The following SLC12A4 variants were observed in gnomAD, a reference collection of about 807,000 sequenced individuals.
SLC12A4 encodes solute carrier family 12 member 4, also known as electroneutral potassium-chloride cotransporter 1.
SLC12A4 carries 84 observed loss-of-function variants against 119.2 expected under a neutral mutation model. The observed-to-expected ratio is 0.70, with a 90% CI of 0.59 to 0.85. The LOEUF is 0.85. Among genes scored for constraint, SLC12A4 ranks in the 40% least tolerant of loss-of-function variants. SLC12A4 has a pLI of 0.00. For missense variants in SLC12A4, 1,298 were observed against 1,476.3 expected (o/e 0.88, Z 1.98); for synonymous variants, 599 against 604.6 (o/e 0.99, Z 0.14).
At position 67,955,430 on chromosome 16, in the gene SLC12A4, A is replaced by G. The variant is rs570957555; in HGVS notation, c.545-657T>C. The stretch of plus-strand genomic sequence containing the variant: ...CAGGGATCAAGAAATTCTTTCAAAG[A>G]GTCAATCTTGGCTGGGCGTGGTGGC... On this transcript the variant is annotated intron_variant, in intron 5 of 23. Transcript: ENST00000316341. Among the ~76,000 whole-genome samples the G allele has an allele frequency of 7.9e-5, 12 of 152,284 alleles. No individual in the cohort carries two copies. The South Asian group carries it at 2.1e-3, about 26-fold the overall frequency.
At chr16:67,947,621 G>T (rs544594125) in intron 15 of SLC12A4, 48 bp downstream of exon 15, 2 of 1,570,038 alleles carry the variant, frequency 1.3e-6, no homozygotes, top group East Asian at 2.3e-5. Flanking sequence ...CTGCCTGCTC[G>T]GCCGGGCCCC....
At position 67,945,280 on chromosome 16, in the gene SLC12A4, C is replaced by G. The variant is rs778410873; in HGVS notation, c.3033-60G>C. ...AGCCATCCTGCAAGGAGGGTCCCCA[C>G]CCCTGGCCCATCTAACACTACTTGT... On this transcript the variant is annotated intron_variant, in intron 22 of 23. Coordinates refer to ENST00000316341, the MANE Select transcript of SLC12A4 (RefSeq NM_005072.5). 5 of 1,563,246 alleles carry G rather than the reference C, an allele frequency of 3.2e-6. No homozygotes were observed. The Admixed American group carries it at 8.9e-5, about 28-fold the overall frequency.
Position 67,947,122 on chromosome 16 carries a change from G to A in SLC12A4, c.2073-17C>T, listed in dbSNP as rs540539385. 1.9e-6 allele frequency: 3 copies of A among 1,568,400 alleles called. No homozygotes were observed. Among genetic ancestry groups the A allele is most frequent in the Admixed American group, 1.9e-5 (1 of 53,888 alleles). The stretch of plus-strand genomic sequence containing the variant: ...AGCTGCGGCCTGCAGTGGCCGGGTG[G>A]GGGGAGCCTGAGACCAGGGCCGGCC... On this transcript the variant is annotated splice_polypyrimidine_tract_variant and intron_variant, in intron 16 of 23. Coordinates refer to ENST00000316341, the MANE Select transcript of SLC12A4 (RefSeq NM_005072.5).
chr16:67,947,080 G>A lies in SLC12A4; in HGVS notation c.2098C>T (p.Leu700=). The A allele has an allele frequency of 6.2e-7, 1 of 1,604,660 alleles. No homozygotes were observed. The highest frequency in any genetic ancestry group is 8.5e-7 in the Non-Finnish European group (1 of 1,177,428). Reference sequence around the variant, plus strand: ...TACTTCACGTGGAGGTCCTCGTCCAGCTTCAGCAGCACCAGCAGCTGCGGC... The same window carrying A: ...TACTTCACGTGGAGGTCCTCGTCCAACTTCAGCAGCACCAGCAGCTGCGGC... ...WRPQLLVLLK[L]DEDLHVKYPR... Residue 700 remains leucine (L), a synonymous_variant, in exon 17 of 24, where the codon CTG becomes TTG. Coordinates refer to ENST00000316341, the MANE Select transcript of SLC12A4 (RefSeq NM_005072.5).
chr16:67,968,214 C>G (rs1384135953), intron 1 of SLC12A4, among the ~76,000 whole-genome samples: 3 of 152,002 alleles, frequency 2.0e-5, no homozygotes, highest in Admixed American at 6.5e-5. Flanking sequence ...AGGGGAGGAG[C>G]TGGGGTGGAG....
At chr16:67,946,121 G>C in intron 19 of SLC12A4, 39 bp from the exon 20 acceptor site, 1 of 1,612,714 alleles carries the variant, frequency 6.2e-7, no homozygotes, top group East Asian at 2.2e-5. Context: ...GGTCACAGCT[G>C]CTCCTCCAAG....
At chr16:67,965,272 C>T (rs568158646) in intron 1 of SLC12A4, among the ~76,000 whole-genome samples, 1 of 151,842 alleles carries the variant, frequency 6.6e-6, no homozygotes, top group South Asian at 2.1e-4. Context: ...AATGGCTCTT[C>T]AGTGAAAAGC....
chr16:67,954,744 A>G lies in SLC12A4; in HGVS notation c.574T>C (p.Ser192Pro), dbSNP rs753968405. The G allele has an allele frequency of 6.2e-7, 1 of 1,614,150 alleles. No individual in the cohort carries two copies. Among genetic ancestry groups the G allele is most frequent in the Non-Finnish European group, 8.5e-7 (1 of 1,180,018 alleles). ...GCACCTCCAAATTCTGGCCCCAGTG[A>G]ACGAGAGATCATGAAATAGGAGCCC... ...AGGSYFMISR[S>P]LGPEFGGAVG... The change falls in exon 6 of 24, where the codon TCA (serine) becomes CCA (proline). Residue 192 changes from serine (S) to proline (P), a missense_variant. Transcript: ENST00000316341.
rs2058396211 is a variant in SLC12A4, at chr16:67,950,042, A to G, written c.1630-124T>C. 3 of 781,830 alleles carry G rather than the reference A, an allele frequency of 3.8e-6. No homozygotes were observed. The allele number at this position is 781,830 out of a possible 1,614,324, so 48.4% of individuals were successfully genotyped here. A position where few individuals can be genotyped will look rare whatever the true frequency, so the allele number is the denominator to read the frequency against. ...GGGGGCTCAGGCCGCCCCTGTGTCT[A>G]TCCCTATGGGTGTCACCAGTCTCCC... On this transcript the variant is annotated intron_variant, in intron 12 of 23. Coordinates refer to ENST00000316341, the MANE Select transcript of SLC12A4 (RefSeq NM_005072.5). The surrounding 1 kb of genome is among the most constrained non-coding windows in gnomAD (Gnocchi z 4.3).
At chr16:67,955,695 A>C (rs1255610862) in intron 5 of SLC12A4, among the ~76,000 whole-genome samples, 1 of 152,160 alleles carries the variant, frequency 6.6e-6, no homozygotes, top group Non-Finnish European at 1.5e-5. Flanking sequence ...AGCCTGGGCA[A>C]CACGATGAAA....
intron 14 of SLC12A4, 36 bp downstream of exon 14, chr16:67,948,025 C>T (rs1426589906): frequency 1.9e-6 from 3 of 1,603,450 alleles, no homozygotes; most frequent in African/African-American, 1.3e-5. Context: ...GGCTCCTGGC[C>T]TCCCCAGGGT....
At chr16:67,960,529 C>T (rs962029369) in intron 3 of SLC12A4, among the ~76,000 whole-genome samples, 1 of 151,576 alleles carries the variant, frequency 6.6e-6, no homozygotes, top group African/African-American at 2.4e-5. Context: ...AGGCCCAAAT[C>T]TCACGACCAG....
Position 67,951,902 on chromosome 16 carries a change from G to A in SLC12A4, c.1053C>T (p.Asp351=), listed in dbSNP as rs574058613. Residue 351 remains aspartate (D), a synonymous_variant, in exon 8 of 24, where the codon GAC becomes GAT. Transcript: ENST00000316341. This position sits in a 1 kb window ranked among gnomAD's most constrained non-coding sequence, Gnocchi z 5.2. ...FFCHSPNLTT[D]SCDPYFMLNN... is the part of the protein sequence containing the mutation. ...TGAGCATGAAGTAGGGGTCACAGGA[G>A]TCGGTCGTAAGGTTGGGGCTGTGGC... is the stretch of plus-strand genomic sequence containing the variant. 4.3e-6 allele frequency: 7 copies of A among 1,614,004 alleles called. No individual in the cohort carries two copies. In the South Asian group the frequency reaches 6.6e-5, roughly 15 times the overall value.
intron 6 of SLC12A4, chr16:67,954,269 C>T (rs1228922343): frequency 4.3e-5 from 14 of 327,912 alleles, no homozygotes; most frequent in Admixed American, 1.7e-4. Context: ...TGGCACAGAG[C>T]CCCGGAGGAC....
chr16:67,951,352 G>C lies in SLC12A4; in HGVS notation c.1133-48C>G, dbSNP rs2058414168. 4 of 1,579,616 alleles carry C rather than the reference G, an allele frequency of 2.5e-6. No individual in the cohort carries two copies. The South Asian group carries it at 4.6e-5, about 18-fold the overall frequency. ...ACCACAGCTGCCCCCCACTACCCCA[G>C]GTAGTTTGGGGCAGCCTAGCCAGAG... is the stretch of plus-strand genomic sequence containing the variant. On this transcript the variant is annotated intron_variant, in intron 8 of 23. Coordinates refer to ENST00000316341, the MANE Select transcript of SLC12A4 (RefSeq NM_005072.5). This position sits in a 1 kb window ranked among gnomAD's most constrained non-coding sequence, Gnocchi z 5.2.
In SLC12A4 at chr16:67,943,922, G is replaced by T. The variant is rs1362383640; in HGVS notation, c.*918C>A. ...CAGGCTCCCCAGGGTCTGGCGTGGT[G>T]CATCAGGGGCCTGGTGGGGGCTTAC... On this transcript the variant is annotated 3_prime_UTR_variant, in exon 24 of 24. Transcript: ENST00000316341. This position sits in a 1 kb window ranked among gnomAD's most constrained non-coding sequence, Gnocchi z 4.6. 1.2e-5 allele frequency: 19 copies of T among 1,533,826 alleles called. No individual in the cohort carries two copies. Among genetic ancestry groups the T allele is most frequent in the Non-Finnish European group, 1.6e-5 (18 of 1,136,622 alleles).
rs766545437 is a variant in SLC12A4 at position 67,945,083 on chromosome 16, A to T, written c.3166+4T>A. On this transcript the variant is annotated splice_donor_region_variant and intron_variant, in intron 23 of 23. Transcript: ENST00000316341. ...CAACTGCCTGCCTCTCCACAAAGGG[A>T]TACAGTTCTCGTCGCCCTCACTGTT... The T allele has an allele frequency of 2.5e-6, 4 of 1,579,080 alleles. No individual in the cohort carries two copies. Among genetic ancestry groups the T allele is most frequent in the Non-Finnish European group, 2.6e-6 (3 of 1,160,230 alleles).
At chr16:67,957,529 TGG>T in intron 5 of SLC12A4, 10 of 595,728 alleles carry the variant, frequency 1.7e-5, no homozygotes, top group Non-Finnish European at 2.7e-5. Context: ...TTTTCTTTTT[TGG>T]TATTGCTTTT....
chr16:67,954,486 C>A (rs577177753), intron 6 of SLC12A4, among the ~76,000 whole-genome samples, 157 bp downstream of exon 6: 1 of 152,370 alleles, frequency 6.6e-6, no homozygotes, highest in Admixed American at 6.5e-5. Flanking sequence ...GGAAGACCAG[C>A]CTGAGTAAAG....
Sources: gnomAD v4.1 joint callset for allele counts (sites outside exome capture counted in the v4.1 genomes callset) on GRCh38, gnomAD v4.1.1 for gene constraint, Gnocchi (gnomAD v3.1) non-coding constraint, MANE v1.5 for transcripts, NCBI Gene and HGNC (gene_info 2026-07-23, HGNC 2026-07-21) for gene names.